Variants in LRRC27 observed in about 807,000 individuals in gnomAD.
LRRC27 encodes leucine rich repeat containing 27.
LRRC27 carries 57 observed loss-of-function variants against 55.0 expected under a neutral mutation model. That is an observed-to-expected ratio of 1.04 (90% CI 0.84 to 1.29). LRRC27 has a LOEUF of 1.29. Ranked by LOEUF, LRRC27 falls within the 50% of genes most tolerant of loss-of-function variation. The pLI, the probability that LRRC27 is intolerant of heterozygous loss-of-function variation, is 0.00. For missense variants in LRRC27, 721 were observed against 651.5 expected (o/e 1.11, Z -1.16); for synonymous variants, 278 against 251.9 (o/e 1.10, Z -0.98).
intron 3 of LRRC27, among the ~76,000 whole-genome samples, chr10:132,340,199 C>T (rs1564824303): frequency 6.6e-6 from 1 of 152,066 alleles, no homozygotes; most frequent in African/African-American, 2.4e-5. Flanking sequence ...ATCAATGAAA[C>T]GAATCAACGG....
rs1048931482 is a variant in LRRC27, at chr10:132,355,296, C to T, written c.1074-494C>T. On this transcript the variant is annotated intron_variant, in intron 7 of 10. Transcript: ENST00000368614. ...TTCACTGCGTTAGCCAGGATGGTCT[C>T]GATCTCCTGACCTCGTGATCCGCCC... 5.3e-5 allele frequency among the ~76,000 whole-genome samples: 8 copies of T among 152,274 alleles called. No homozygotes were observed. In the East Asian group the frequency reaches 7.7e-4, roughly 15 times the overall value.
At chr10:132,335,577 G>GA (rs1284735083) in intron 2 of LRRC27, among the ~76,000 whole-genome samples, 3 of 146,874 alleles carry the variant, frequency 2.0e-5, no homozygotes, top group African/African-American at 5.1e-5. Flanking sequence ...GAGTACTATG[G>GA]GGGGGGTCAC....
upstream of LRRC27, chr10:132,331,972 C>A (rs2066786185): frequency 2.0e-6 from 1 of 494,942 alleles, no homozygotes. Context: ...ACACCCCGCC[C>A]CCTCCCGGGC....
intron 7 of LRRC27, chr10:132,353,024 TCTC>T: frequency 6.3e-7 from 1 of 1,593,640 alleles, no homozygotes; most frequent in Non-Finnish European, 8.5e-7. Flanking sequence ...CTCAGTGTCT[TCTC>T]TGTCCTCCAG....
rs1564846983 is a variant in LRRC27, at chr10:132,359,108, GAGGAGCCGAGGTGGTGGAGCGTGGGA to G, written c.1171-2328_1171-2303del. ...AGCCGAGGTGATGGAGCAGTGTGGG[GAGGAGCCGAGGTGGTGGAGCGTGGGA>G]AGGAGCCGAGGTGGTGGAGCAGCGT... On this transcript the variant is annotated intron_variant, in intron 8 of 10. Coordinates refer to ENST00000368614, the MANE Select transcript of LRRC27 (RefSeq NM_030626.3). 1.8e-4 allele frequency among the ~76,000 whole-genome samples: 21 copies of G among 113,710 alleles called. 2 individuals carry two copies. Among genetic ancestry groups the G allele is most frequent in the African/African-American group, 6.3e-4 (21 of 33,292 alleles). The allele number at this position is 113,710 out of a possible 152,430, so 74.6% of individuals were successfully genotyped here.
Position 132,375,215 on chromosome 10 carries a change from A to T in LRRC27, c.1566A>T (p.Glu522Asp), listed in dbSNP as rs180752575. 39 of 1,613,804 alleles carry T rather than the reference A, an allele frequency of 2.4e-5. No individual in the cohort carries two copies. The Admixed American group carries it at 6.5e-4, about 27-fold the overall frequency. Residue 522 changes from glutamate (E) to aspartate (D), a missense_variant, in exon 11 of 11, where the codon GAA becomes GAT. Glu to Asp is a conservative substitution (Grantham distance 45). Transcript: ENST00000368614. ...CATTTTTTAACACAAAATATGGAGA[A>T]TCAGGAAATGTTCGCAGATACCAGT... is the stretch of plus-strand genomic sequence containing the variant. Reference protein sequence around the residue: ...QNTFFNTKYGESGNVRRYQ With the variant: ...QNTFFNTKYGDSGNVRRYQ
At position 132,348,234 on chromosome 10, in the gene LRRC27, G is replaced by A. The variant is rs763883097; in HGVS notation, c.804G>A (p.Glu268=). ...EIRRFWKLRQ[E]IVEHVKADVL... is the part of the protein sequence containing the mutation. ...GGCGCTTTTGGAAGCTGAGGCAGGA[G>A]ATTGTTGAGCACGTGAAGGCAGACG... Residue 268 remains glutamate (E), a synonymous_variant, in exon 6 of 11, where the codon GAG becomes GAA. Transcript: ENST00000368614. The surrounding 1 kb of genome is among the most constrained non-coding windows in gnomAD (Gnocchi z 4.2). The A allele has an allele frequency of 1.2e-6, 2 of 1,613,968 alleles. No individual in the cohort carries two copies. Among genetic ancestry groups the A allele is most frequent in the Non-Finnish European group, 1.7e-6 (2 of 1,180,056 alleles).
intron 5 of LRRC27, among the ~76,000 whole-genome samples, chr10:132,347,106 A>G (rs1590641124): frequency 1.3e-5 from 2 of 152,262 alleles, no homozygotes; most frequent in Non-Finnish European, 2.9e-5. Flanking sequence ...CAACAAAAGC[A>G]TCACCAAACA....
In LRRC27 at chr10:132,380,132, A is replaced by G. The variant is rs2069392514; in HGVS notation, c.*4890A>G. On this transcript the variant is annotated 3_prime_UTR_variant, in exon 11 of 11. Coordinates refer to ENST00000368614, the MANE Select transcript of LRRC27 (RefSeq NM_030626.3). ...GCCAACATGGAGAAACCCCGTGACT[A>G]CTAAAAATAAAAAATTAGCCAGGCA... 6.6e-6 allele frequency among the ~76,000 whole-genome samples: 1 copy of G among 152,166 alleles called. No homozygotes were observed. Among genetic ancestry groups the G allele is most frequent in the Non-Finnish European group, 1.5e-5 (1 of 68,016 alleles).
intron 4 of LRRC27, among the ~76,000 whole-genome samples, chr10:132,343,911 G>A (rs1451201002): frequency 6.6e-6 from 1 of 152,248 alleles, no homozygotes; most frequent in Non-Finnish European, 1.5e-5. Context: ...CACCACGGGA[G>A]CCTTACCTCT....
At chr10:132,354,440 G>A (rs762295057) in intron 7 of LRRC27, among the ~76,000 whole-genome samples, 52 of 152,162 alleles carry the variant, frequency 3.4e-4, no homozygotes, top group Non-Finnish European at 5.1e-4. Flanking sequence ...GGAGCGCAGC[G>A]GGGCCAGCAC....
chr10:132,366,990 ATTC>A, intron 10 of LRRC27: 1 of 1,243,592 alleles, frequency 8.0e-7, no homozygotes, highest in African/African-American at 1.6e-5. Context: ...ATAAACTCTT[ATTC>A]TTTCTAAATC....
In LRRC27 at chr10:132,352,915, G is replaced by A. The variant is rs776405221; in HGVS notation, c.1073+1162G>A. Reference sequence around the variant, plus strand: ...TCCTCATTTTCCCTAGAGTATTCCAGGCCCTGACACGGTCATCAGGGAGGT... The same window carrying A: ...TCCTCATTTTCCCTAGAGTATTCCAAGCCCTGACACGGTCATCAGGGAGGT... On this transcript the variant is annotated intron_variant, in intron 7 of 10. Coordinates refer to ENST00000368614, the MANE Select transcript of LRRC27 (RefSeq NM_030626.3). 3 of 1,613,930 alleles carry A rather than the reference G, an allele frequency of 1.9e-6. No homozygotes were observed. The South Asian group carries it at 3.3e-5, about 18-fold the overall frequency.
chr10:132,374,956 T>C lies in LRRC27; in HGVS notation c.1417-110T>C, dbSNP rs1001798231. On this transcript the variant is annotated intron_variant, in intron 10 of 10. Coordinates refer to ENST00000368614, the MANE Select transcript of LRRC27 (RefSeq NM_030626.3). The surrounding 1 kb of genome is among the most constrained non-coding windows in gnomAD (Gnocchi z 4.4). ...GGCCCCGGGGCAGCGGGGCTGGCTC[T>C]GCTGACGCCCACATGGCCTGGGCCC... 9.0e-6 allele frequency: 11 copies of C among 1,228,494 alleles called. No individual in the cohort carries two copies. The South Asian group carries it at 1.0e-4, about 12-fold the overall frequency. 76.1% of individuals were successfully genotyped at this position (1,228,494 alleles called of 1,614,324 possible).
chr10:132,362,683 G>T (rs183608647), intron 9 of LRRC27, among the ~76,000 whole-genome samples: 363 of 49,720 alleles, frequency 7.3e-3, no homozygotes, highest in African/African-American at 0.028. Flanking sequence ...AGCTCGGGGG[G>T]CCAGGGTTCA....
chr10:132,370,896 T>C (rs1312084736), intron 10 of LRRC27, among the ~76,000 whole-genome samples: 1 of 152,248 alleles, frequency 6.6e-6, no homozygotes, highest in African/African-American at 2.4e-5. Context: ...CAGCCCTCCC[T>C]GCAGGTGAAG....
rs780952876 is a variant in LRRC27, at chr10:132,377,225, G to A, written c.*1983G>A. On this transcript the variant is annotated 3_prime_UTR_variant, in exon 11 of 11. Transcript: ENST00000368614. Reference sequence around the variant, plus strand: ...CTCTAGCTGCCAGTTCTGTGTTTCAGTTACAGTGTTTGGCCCTCACATTTA... The same window carrying A: ...CTCTAGCTGCCAGTTCTGTGTTTCAATTACAGTGTTTGGCCCTCACATTTA... 1.3e-5 allele frequency: 2 copies of A among 152,210 alleles called. No homozygotes were observed. The highest frequency in any genetic ancestry group is 2.9e-5 in the Non-Finnish European group (2 of 68,052). The allele number at this position is 152,210 out of a possible 1,614,324, so 9.4% of individuals were successfully genotyped here.
intron 5 of LRRC27, among the ~76,000 whole-genome samples, chr10:132,346,737 T>C (rs2067716201): frequency 6.6e-6 from 1 of 152,222 alleles, no homozygotes; most frequent in Non-Finnish European, 1.5e-5. Context: ...TTTTCATGAA[T>C]TTCAGTTTTG....
chr10:132,351,873 C>G, intron 7 of LRRC27, 120 bp downstream of exon 7: 16 of 1,193,388 alleles, frequency 1.3e-5, no homozygotes, highest in Non-Finnish European at 1.7e-5. Context: ...CTCACTGATG[C>G]TGATCCAGGA....
Sources: allele counts gnomAD v4.1 joint callset (sites outside exome capture counted in the v4.1 genomes callset), GRCh38; gene constraint gnomAD v4.1.1; non-coding constraint Gnocchi (gnomAD v3.1); transcripts MANE v1.5; gene names NCBI Gene and HGNC (gene_info 2026-07-23, HGNC 2026-07-21).